The following RBMS3 variants were observed in gnomAD, a reference collection of about 807,000 sequenced individuals.
RBMS3 encodes the protein RNA binding motif single stranded interacting protein 3, also known as RNA-binding motif, single-stranded-interacting protein 3.
In RBMS3, 27 loss-of-function variants were observed where a neutral mutation model predicts 66.8. That is an observed-to-expected ratio of 0.40 (90% confidence interval 0.30 to 0.56). The LOEUF is 0.56. Among genes scored for constraint, RBMS3 ranks in the 20% least tolerant of loss-of-function variants. The pLI is 0.40. For missense variants in RBMS3, 513 were observed against 549.5 expected, an observed-to-expected ratio of 0.93 and a Z score of 0.66; for synonymous variants, 188 against 183.0, an observed-to-expected ratio of 1.03 and a Z score of -0.22.
rs1295222535 is a variant in RBMS3 at position 29,784,134 on chromosome 3, GTCA to G, written c.637+21149_637+21151del. Among the ~76,000 whole-genome samples, 3 of 152,036 alleles carry G rather than the reference GTCA, an allele frequency of 2.0e-5. No individual in the cohort carries two copies. In the East Asian group the frequency reaches 5.8e-4, roughly 29 times the overall value. On this transcript the variant is annotated intron_variant, in intron 6 of 14. Transcript: ENST00000383767. ...ATACTCCACTGACAGCACTAGACAG[GTCA>G]TCAAGACAGAAAGTCAACAAAGAAA... is the stretch of plus-strand genomic sequence containing the variant.
At chr3:29,344,711 TA>T (rs1390273909) in intron 1 of RBMS3, among the ~76,000 whole-genome samples, 1 of 152,156 alleles carries the variant, frequency 6.6e-6, no homozygotes, top group African/African-American at 2.4e-5. Flanking sequence ...GGGATTGAGG[TA>T]GTCACTGGTA....
chr3:29,394,792 T>G (rs1362813219), intron 1 of RBMS3, among the ~76,000 whole-genome samples: 1 of 152,180 alleles, frequency 6.6e-6, no homozygotes, highest in Non-Finnish European at 1.5e-5. Flanking sequence ...CTGTCTTTGA[T>G]TGCCTCTCCT....
chr3:29,871,418 C>T (rs1214540452), intron 7 of RBMS3, among the ~76,000 whole-genome samples: 1 of 152,062 alleles, frequency 6.6e-6, no homozygotes, highest in Non-Finnish European at 1.5e-5. Context: ...CCCCTTCCTT[C>T]ATTCAGTGTC....
intron 4 of RBMS3, among the ~76,000 whole-genome samples, chr3:29,703,713 A>T (rs2052739059): frequency 6.6e-6 from 1 of 152,174 alleles, no homozygotes; most frequent in Non-Finnish European, 1.5e-5. Context: ...AAAATTGATG[A>T]TTCCCATTCT....
In RBMS3 at chr3:29,613,529, A is replaced by C. The variant is rs76345159; in HGVS notation, c.399+26324A>C. On this transcript the variant is annotated intron_variant, in intron 4 of 14. Coordinates refer to ENST00000383767, the MANE Select transcript of RBMS3 (RefSeq NM_001003793.3). ...AGAATATTTGTTTGTCTTTTGAGAA[A>C]TGCCTTGTGGTTGTGCTCATACTTT... Among the ~76,000 whole-genome samples, 718 of 152,242 alleles carry C rather than the reference A, an allele frequency of 4.7e-3. 9 individuals carry two copies. Among genetic ancestry groups the C allele is most frequent in the African/African-American group, 0.017 (693 of 41,560 alleles).
chr3:29,606,096 A>G (rs1415220474), intron 4 of RBMS3, among the ~76,000 whole-genome samples: 1 of 151,158 alleles, frequency 6.6e-6, no homozygotes, highest in African/African-American at 2.4e-5. Context: ...GCTGAATCAT[A>G]CTCCAGTACT....
intron 2 of RBMS3, among the ~76,000 whole-genome samples, chr3:29,486,708 G>T (rs1260231260): frequency 4.6e-5 from 7 of 152,088 alleles, no homozygotes; most frequent in Non-Finnish European, 1.0e-4. Flanking sequence ...AGGACAATAT[G>T]CATGCCATTG....
In RBMS3 at chr3:30,004,550, A is replaced by G. The variant is rs187312560; in HGVS notation, c.*688A>G. The stretch of plus-strand genomic sequence containing the variant: ...AAGAAAAAACTGTACAGTTTAAATG[A>G]AAATGTTTTTCTTCATTTGAAGAAA... On this transcript the variant is annotated 3_prime_UTR_variant, in exon 15 of 15. Transcript: ENST00000383767. 6.6e-6 allele frequency: 1 copy of G among 152,384 alleles called. No homozygotes were observed. Among genetic ancestry groups the G allele is most frequent in the Admixed American group, 6.6e-5 (1 of 15,212 alleles). 9.4% of individuals were successfully genotyped at this position (152,384 alleles called of 1,614,324 possible).
At position 29,930,355 on chromosome 3, in the gene RBMS3, G is replaced by A. The variant is rs139688457; in HGVS notation, c.940-5731G>A. ...TCTCGATCTCCTGACCTCGTGATCCGCCCGCCTCGGCCTCCCAAAGTGCTG... is the reference window on the plus strand; with the variant it reads ...TCTCGATCTCCTGACCTCGTGATCCACCCGCCTCGGCCTCCCAAAGTGCTG... On this transcript the variant is annotated intron_variant, in intron 10 of 14. Transcript: ENST00000383767. Among the ~76,000 whole-genome samples, 2,172 of 151,476 alleles carry A rather than the reference G, an allele frequency of 0.014. 157 individuals are homozygous for A. The East Asian group carries it at 0.23, about 16-fold the overall frequency.
chr3:29,620,968 T>A (rs772200690), intron 4 of RBMS3, among the ~76,000 whole-genome samples: 20 of 152,176 alleles, frequency 1.3e-4, no homozygotes, highest in Non-Finnish European at 2.6e-4. Flanking sequence ...TGAACATATC[T>A]ATTAAGACTA....
chr3:29,717,815 GATA>G (rs1375720246), intron 4 of RBMS3, among the ~76,000 whole-genome samples: 1 of 152,106 alleles, frequency 6.6e-6, no homozygotes, highest in Non-Finnish European at 1.5e-5. Flanking sequence ...GTGGCAAATT[GATA>G]ATAACCCGTT....
intron 14 of RBMS3, among the ~76,000 whole-genome samples, chr3:29,998,675 C>T (rs1699414481): frequency 6.6e-6 from 1 of 152,128 alleles, no homozygotes; most frequent in South Asian, 2.1e-4. Flanking sequence ...AAAGGATTCC[C>T]TATTGAATAA....
At chr3:29,896,183 A>C (rs892378440) in intron 8 of RBMS3, among the ~76,000 whole-genome samples, 1 of 151,464 alleles carries the variant, frequency 6.6e-6, no homozygotes, top group Non-Finnish European at 1.5e-5. Context: ...ACAGAAAATA[A>C]GCTTAAAGAA....
chr3:29,901,940 A>C (rs2060264082), intron 10 of RBMS3, among the ~76,000 whole-genome samples: 1 of 151,870 alleles, frequency 6.6e-6, no homozygotes, highest in African/African-American at 2.4e-5. Flanking sequence ...ATATTACATA[A>C]GTAACTTTAC....
intron 6 of RBMS3, among the ~76,000 whole-genome samples, chr3:29,852,374 A>T (rs531028588): frequency 1.1e-4 from 17 of 152,216 alleles, no homozygotes; most frequent in Non-Finnish European, 2.2e-4. Flanking sequence ...GAGTAAACAG[A>T]CAACCTACAG....
chr3:29,412,258 A>C (rs1214327962), intron 1 of RBMS3, among the ~76,000 whole-genome samples: 2 of 152,162 alleles, frequency 1.3e-5, no homozygotes, highest in Non-Finnish European at 2.9e-5. Flanking sequence ...CCAGTGATGA[A>C]CGAATACATT....
chr3:29,601,613 C>T (rs2048147263), intron 4 of RBMS3, among the ~76,000 whole-genome samples: 4 of 151,890 alleles, frequency 2.6e-5, no homozygotes, highest in Admixed American at 2.0e-4. Flanking sequence ...CAATAATCCT[C>T]GAGTATTAAA....
At chr3:29,728,055 G>C (rs1340788548) in intron 4 of RBMS3, among the ~76,000 whole-genome samples, 1 of 151,996 alleles carries the variant, frequency 6.6e-6, no homozygotes, top group Non-Finnish European at 1.5e-5. Context: ...TGTCCTTTGC[G>C]GGGACATGGA....
intron 6 of RBMS3, among the ~76,000 whole-genome samples, chr3:29,792,840 G>A (rs1195427208): frequency 6.6e-6 from 1 of 152,148 alleles, no homozygotes; most frequent in Non-Finnish European, 1.5e-5. Flanking sequence ...TGGAACCAAA[G>A]CAAAGCAATA....
Sources: gnomAD v4.1 joint callset for allele counts (sites outside exome capture counted in the v4.1 genomes callset) on GRCh38, gnomAD v4.1.1 for gene constraint, MANE v1.5 for transcripts, NCBI Gene and HGNC (gene_info 2026-07-23, HGNC 2026-07-21) for gene names.